MCRIP1: variants seen among roughly 807,000 people sequenced by gnomAD.
MCRIP1 encodes the protein mapk-regulated corepressor-interacting protein 1.
In MCRIP1, 10 loss-of-function variants were observed where a neutral mutation model predicts 14.4. The ratio of observed to expected loss-of-function variants is 0.70; its 90% CI spans 0.43 to 1.18. The LOEUF (loss-of-function observed/expected upper bound fraction) is 1.18. Among genes scored for constraint, MCRIP1 ranks in the 50% most tolerant of loss-of-function variants. MCRIP1 has a pLI of 0.00. For synonymous variants in MCRIP1, 53 were observed against 55.7 expected, an observed-to-expected ratio of 0.95 and a Z score of 0.21; for missense variants, 119 against 135.4, an observed-to-expected ratio of 0.88 and a Z score of 0.60.
In MCRIP1 at chr17:81,823,687, C is replaced by T. The variant is rs973081833; in HGVS notation, c.128-174G>A. The T allele has an allele frequency of 1.3e-5, 8 of 623,252 alleles. No individual in the cohort carries two copies. Among genetic ancestry groups the T allele is most frequent in the Admixed American group, 2.7e-5 (1 of 37,114 alleles). 38.6% of individuals were successfully genotyped at this position (623,252 alleles called of 1,614,324 possible). On this transcript the variant is annotated intron_variant, in intron 3 of 4. Transcript: ENST00000455127. The surrounding 1 kb of genome is among the most constrained non-coding windows in gnomAD (Gnocchi z 6.0). The stretch of plus-strand genomic sequence containing the variant: ...CCCCAGCCTCACTCACCTGCAGACC[C>T]CGTCCCCGCTCCTCTGGCAGGCCTG...
At chr17:81,825,783 A>G in intron 1 of MCRIP1, 1 of 1,289,038 alleles carries the variant, frequency 7.8e-7, no homozygotes, top group Non-Finnish European at 1.0e-6. Context: ...TCACAAAGTC[A>G]CCTCTCCTTT....
chr17:81,823,297 C>G lies in MCRIP1; in HGVS notation c.244G>C (p.Asp82His). 2 of 1,536,944 alleles carry G rather than the reference C, an allele frequency of 1.3e-6. No individual in the cohort carries two copies. Among genetic ancestry groups the G allele is most frequent in the Non-Finnish European group, 1.7e-6 (2 of 1,146,796 alleles). The change falls in exon 5 of 5, where the codon GAC becomes CAC. Residue 82 changes from aspartate to histidine, a missense_variant. Coordinates refer to ENST00000455127, the MANE Select transcript of MCRIP1 (RefSeq NM_207368.5). This position sits in a 1 kb window ranked among gnomAD's most constrained non-coding sequence, Gnocchi z 6.0. ...CTCCGGCGCTTCAGGTCACTCAGGT[C>G]GATGGGCTTGAAGGCTGCCAGGGGA... Reference protein sequence around the residue: ...NPSLKTFKPIDLSDLKRRSTQ... With the variant: ...NPSLKTFKPIHLSDLKRRSTQ...
chr17:81,824,174 G>GAGGGGC (rs958714181), intron 3 of MCRIP1, 113 bp downstream of exon 3: 6 of 842,678 alleles, frequency 7.1e-6, no homozygotes, highest in African/African-American at 6.8e-5. Context: ...CTGTGCCCTG[G>GAGGGGC]AGGGGCAGGG....
At chr17:81,827,980 CTG>C (rs1291594557) in intron 1 of MCRIP1, among the ~76,000 whole-genome samples, 1 of 151,098 alleles carries the variant, frequency 6.6e-6, no homozygotes, top group Non-Finnish European at 1.5e-5. Flanking sequence ...TGGGGTTTCA[CTG>C]TGTTAGTCAG....
At chr17:81,828,550 C>T (rs113312308) in intron 1 of MCRIP1, among the ~76,000 whole-genome samples, 34,869 of 151,934 alleles carry the variant, frequency 0.23, 4,572 homozygotes, top group African/African-American at 0.36. Context: ...GAATTTCACT[C>T]GTAATTACCC....
intron 1 of MCRIP1, chr17:81,824,844 C>G: frequency 7.7e-7 from 1 of 1,297,450 alleles, no homozygotes; most frequent in African/African-American, 1.5e-5. Flanking sequence ...CAGGCTCAGA[C>G]GTGGAGGCCT....
chr17:81,830,055 C>G (rs2038485417), intron 1 of MCRIP1, among the ~76,000 whole-genome samples: 1 of 152,260 alleles, frequency 6.6e-6, no homozygotes, highest in Non-Finnish European at 1.5e-5. Flanking sequence ...CAAGTCTGTG[C>G]ATTCTGCAGG....
At position 81,824,456 on chromosome 17, in the gene MCRIP1, C is replaced by T. The variant is rs1271411442; in HGVS notation, c.8+43G>A. 5 of 1,534,018 alleles carry T rather than the reference C, an allele frequency of 3.3e-6. No individual in the cohort carries two copies. The African/African-American group carries it at 6.8e-5, about 21-fold the overall frequency. On this transcript the variant is annotated intron_variant, in intron 2 of 4. Transcript: ENST00000455127. ...GGGCACACAGCAGGGTGGGAGCCCACAACCCGCCCCGGTGGAGACCAGCCC... is the reference window on the plus strand; with the variant it reads ...GGGCACACAGCAGGGTGGGAGCCCATAACCCGCCCCGGTGGAGACCAGCCC...
intron 1 of MCRIP1, among the ~76,000 whole-genome samples, chr17:81,828,195 A>C (rs2143243724): frequency 6.6e-6 from 1 of 152,278 alleles, no homozygotes. Flanking sequence ...CTTCCCAGAC[A>C]CGAAGAGCCC....
chr17:81,824,932 C>A, intron 1 of MCRIP1: 1 of 1,138,024 alleles, frequency 8.8e-7, no homozygotes, highest in Non-Finnish European at 1.1e-6. Context: ...CTCTGATGTC[C>A]AGCTGCCTCT....
At chr17:81,829,144 C>T (rs2038468745) in intron 1 of MCRIP1, among the ~76,000 whole-genome samples, 1 of 152,252 alleles carries the variant, frequency 6.6e-6, no homozygotes, top group Non-Finnish European at 1.5e-5. Flanking sequence ...CGGAAAAGAC[C>T]CAGCACACGG....
chr17:81,828,306 G>A (rs1353966920), intron 1 of MCRIP1, among the ~76,000 whole-genome samples: 1 of 125,330 alleles, frequency 8.0e-6, no homozygotes, highest in African/African-American at 3.2e-5. Context: ...AGGCTTTCCT[G>A]GATGTGCCAG....
rs1049010460 is a variant in MCRIP1 at position 81,826,596 on chromosome 17, G to A, written c.-48-2042C>T. 9.3e-4 allele frequency: 520 copies of A among 559,466 alleles called. 6 individuals carry two copies. The highest frequency in any genetic ancestry group is 2.2e-4 in the Non-Finnish European group (70 of 317,656). The allele number at this position is 559,466 out of a possible 1,614,324, so 34.7% of individuals were successfully genotyped here. A position where few individuals can be genotyped will look rare whatever the true frequency, so the allele number is the denominator to read the frequency against. On this transcript the variant is annotated intron_variant, in intron 1 of 4. Coordinates refer to ENST00000455127, the MANE Select transcript of MCRIP1 (RefSeq NM_207368.5). ...ACACTTTGGGAGGCAGAGGCGGGTG[G>A]ATCAGCTGAGGTCAGGAGTTTGAGA...
At chr17:81,825,505 C>G (rs1003236761) in intron 1 of MCRIP1, 2 of 1,231,084 alleles carry the variant, frequency 1.6e-6, no homozygotes, top group African/African-American at 3.1e-5. Context: ...CCCAGAGGCC[C>G]AAGGCTGCAG....
intron 1 of MCRIP1, among the ~76,000 whole-genome samples, chr17:81,832,727 C>T (rs1467147559): frequency 1.1e-4 from 17 of 152,270 alleles, no homozygotes; most frequent in Non-Finnish European, 8.8e-5. Flanking sequence ...AGGCGGAGGC[C>T]CCGTTCTCCC....
chr17:81,826,168 T>C, intron 1 of MCRIP1: 1 of 1,498,084 alleles, frequency 6.7e-7, no homozygotes, highest in East Asian at 2.5e-5. Context: ...CAGATCCCAC[T>C]GATTGCCCCA....
chr17:81,826,636 A>C (rs2038403906), intron 1 of MCRIP1: 2 of 495,372 alleles, frequency 4.0e-6, no homozygotes, highest in African/African-American at 4.1e-5. Flanking sequence ...CCTGGCGAAC[A>C]TGGTGAAACC....
chr17:81,827,199 G>A (rs1041532584), intron 1 of MCRIP1, among the ~76,000 whole-genome samples: 8 of 151,822 alleles, frequency 5.3e-5, no homozygotes, highest in Non-Finnish European at 1.2e-4. Context: ...AGGCTAAAGA[G>A]GGCAGATCAC....
chr17:81,825,163 C>T, intron 1 of MCRIP1: 3 of 1,036,822 alleles, frequency 2.9e-6, no homozygotes, highest in Non-Finnish European at 3.5e-6. Context: ...CAAACTCCAG[C>T]TCCCCTGGTG....
Sources: gnomAD v4.1 joint callset for allele counts (sites outside exome capture counted in the v4.1 genomes callset) on GRCh38, gnomAD v4.1.1 for gene constraint, Gnocchi (gnomAD v3.1) non-coding constraint, MANE v1.5 for transcripts, NCBI Gene and HGNC (gene_info 2026-07-23, HGNC 2026-07-21) for gene names.